CACNB4: variants seen among roughly 807,000 people sequenced by gnomAD.
The protein encoded by CACNB4 is voltage-dependent L-type calcium channel subunit beta-4.
CACNB4 carries 32 observed loss-of-function variants against 71.2 expected under a neutral mutation model. That is an observed-to-expected ratio of 0.45 (90% CI 0.34 to 0.60). The LOEUF is 0.60. Among genes scored for constraint, CACNB4 ranks in the 20% least tolerant of loss-of-function variants. The pLI is 0.01. For synonymous variants in CACNB4, 231 were observed against 236.9 expected (o/e 0.97, Z 0.23); for missense variants, 464 against 647.9 (o/e 0.72, Z 3.08).
At chr2:151,860,649 C>T (rs770340434) in intron 10 of CACNB4, 62 bp downstream of exon 10, 5 of 1,075,786 alleles carry the variant, frequency 4.6e-6, no homozygotes, top group East Asian at 2.4e-5. Context: ...TTCACAAATG[C>T]ACCATGTGTC....
chr2:151,984,493 T>A (rs1182406985), intron 2 of CACNB4, among the ~76,000 whole-genome samples: 1 of 152,154 alleles, frequency 6.6e-6, no homozygotes, highest in Non-Finnish European at 1.5e-5. Context: ...TCTAGAATAC[T>A]AACATATTAA....
intron 2 of CACNB4, chr2:151,969,616 G>A (rs1158406000): frequency 1.3e-5 from 2 of 152,180 alleles, no homozygotes; most frequent in South Asian, 4.1e-4. Context: ...ATCTGTATAT[G>A]AATGTAGGTG....
intron 2 of CACNB4, among the ~76,000 whole-genome samples, chr2:151,985,675 CT>C (rs11329675): frequency 0.51 from 71,741 of 141,978 alleles, 18,388 homozygotes; most frequent in Non-Finnish European, 0.61. Context: ...CCTTAATTTT[CT>C]TTTTTTTTTT....
chr2:151,842,176 T>G, intron 12 of CACNB4, 88 bp from the exon 13 acceptor site: 1 of 1,079,810 alleles, frequency 9.3e-7, no homozygotes, highest in South Asian at 1.4e-5. Flanking sequence ...ATAATAGCAT[T>G]TTTAATAGCT....
intron 2 of CACNB4, among the ~76,000 whole-genome samples, chr2:152,013,031 A>G (rs1381733252): frequency 6.6e-6 from 1 of 152,164 alleles, no homozygotes; most frequent in East Asian, 1.9e-4. Context: ...ACATTTAAAT[A>G]TACAAACACT....
intron 2 of CACNB4, among the ~76,000 whole-genome samples, chr2:151,923,725 T>G (rs1243202743): frequency 6.6e-6 from 1 of 152,210 alleles, no homozygotes; most frequent in African/African-American, 2.4e-5. Flanking sequence ...TAAGGAAACT[T>G]GGATTCTATT....
chr2:151,945,440 G>A (rs2099865311), intron 2 of CACNB4, among the ~76,000 whole-genome samples: 2 of 152,150 alleles, frequency 1.3e-5, no homozygotes, highest in South Asian at 4.1e-4. Context: ...AGGCTGAGGT[G>A]GGGACTGCTT....
chr2:151,936,479 T>G (rs551153212), intron 2 of CACNB4: 8 of 152,376 alleles, frequency 5.3e-5, no homozygotes, highest in Admixed American at 5.2e-4. Flanking sequence ...AACTTTGCTT[T>G]AATGGTTCCC....
intron 3 of CACNB4, chr2:151,883,005 A>G: frequency 2.1e-6 from 1 of 475,304 alleles, no homozygotes; most frequent in Non-Finnish European, 3.9e-6. Flanking sequence ...GATATTGCTA[A>G]GTTGGAAGAC....
intron 2 of CACNB4, among the ~76,000 whole-genome samples, chr2:151,984,587 C>G (rs1432991522): frequency 6.6e-6 from 1 of 152,204 alleles, no homozygotes; most frequent in East Asian, 1.9e-4. Context: ...AACAAAAGGC[C>G]TAGAAGAAGA....
intron 2 of CACNB4, among the ~76,000 whole-genome samples, chr2:152,013,280 T>C (rs772176723): frequency 6.6e-6 from 1 of 152,182 alleles, no homozygotes; most frequent in Non-Finnish European, 1.5e-5. Flanking sequence ...ATCACATAAC[T>C]CATTTGGACA....
At chr2:151,840,758 A>C (rs1022026290) in intron 13 of CACNB4, among the ~76,000 whole-genome samples, 6 of 150,582 alleles carry the variant, frequency 4.0e-5, no homozygotes, top group African/African-American at 1.5e-4. Flanking sequence ...TTTATCTCAG[A>C]GTTAACTCTG....
intron 2 of CACNB4, among the ~76,000 whole-genome samples, chr2:151,885,148 C>G: frequency 6.6e-6 from 1 of 152,160 alleles, no homozygotes; most frequent in East Asian, 1.9e-4. Context: ...TATCAGAGTG[C>G]CCAGTCAAGT....
At chr2:152,015,993 T>G (rs1262045433) in intron 2 of CACNB4, among the ~76,000 whole-genome samples, 1 of 152,210 alleles carries the variant, frequency 6.6e-6, no homozygotes, top group Non-Finnish European at 1.5e-5. Flanking sequence ...CGCAAAAGCT[T>G]TTTTTTGTAG....
intron 2 of CACNB4, among the ~76,000 whole-genome samples, chr2:152,032,667 C>T (rs1684347973): frequency 6.6e-6 from 1 of 152,114 alleles, no homozygotes; most frequent in South Asian, 2.1e-4. Flanking sequence ...ATGTTTCCAT[C>T]TTAAAAAGAT....
chr2:151,987,525 A>G (rs1029960451), intron 2 of CACNB4, among the ~76,000 whole-genome samples: 1 of 152,198 alleles, frequency 6.6e-6, no homozygotes, highest in Admixed American at 6.5e-5. Flanking sequence ...AAAGAAAGGC[A>G]CTTTGTTGAT....
intron 12 of CACNB4, among the ~76,000 whole-genome samples, chr2:151,848,892 T>C (rs1421942623): frequency 6.6e-6 from 1 of 152,118 alleles, no homozygotes; most frequent in East Asian, 1.9e-4. Context: ...AAACATACTA[T>C]TTTCAACTTA....
At chr2:151,930,931 C>T (rs534268571) in intron 2 of CACNB4, among the ~76,000 whole-genome samples, 2 of 152,192 alleles carry the variant, frequency 1.3e-5, no homozygotes, top group East Asian at 3.9e-4. Flanking sequence ...TGGTTGTTAT[C>T]AACTACTTAT....
At chr2:152,088,214 A>G (rs184509819) in intron 2 of CACNB4, among the ~76,000 whole-genome samples, 1 of 152,034 alleles carries the variant, frequency 6.6e-6, no homozygotes. Context: ...ACTAAGGAAC[A>G]TTCTACTGGT....
Sources: allele counts gnomAD v4.1 joint callset (sites outside exome capture counted in the v4.1 genomes callset), GRCh38; gene constraint gnomAD v4.1.1; transcripts MANE v1.5; gene names NCBI Gene and HGNC (gene_info 2026-07-23, HGNC 2026-07-21).